The following LYPD6 variants were observed in gnomAD, a reference collection of about 807,000 sequenced individuals.
LYPD6 encodes the protein ly6/PLAUR domain-containing protein 6.
Under a neutral mutation model 22.7 loss-of-function variants are expected in LYPD6, and 15 were observed. The ratio of observed to expected loss-of-function variants is 0.66; its 90% confidence interval spans 0.44 to 1.02. The LOEUF is 1.02. Among genes scored for constraint, LYPD6 ranks in the 50% least tolerant of loss-of-function variants. The pLI is 0.00. For missense variants in LYPD6, 189 were observed against 208.4 expected (o/e 0.91, Z 0.57); for synonymous variants, 72 against 77.5 (o/e 0.93, Z 0.37).
chr2:149,373,613 T>C (rs1297534671), intron 1 of LYPD6, among the ~76,000 whole-genome samples: 2 of 152,054 alleles, frequency 1.3e-5, no homozygotes, highest in African/African-American at 2.4e-5. Context: ...TGGTGAGTGT[T>C]GTTGAGGAGT....
Position 149,470,942 on chromosome 2 carries a change from A to G in LYPD6, c.*92A>G, listed in dbSNP as rs1429275286. On this transcript the variant is annotated 3_prime_UTR_variant, in exon 5 of 5. Coordinates refer to ENST00000334166, the MANE Select transcript of LYPD6 (RefSeq NM_194317.5). ...GTCATTGGCCTGACAGTAATTACAC[A>G]TGTGAGACACAACACTCTTGGAGGT... The G allele has an allele frequency of 3.2e-5, 37 of 1,162,638 alleles. No homozygotes were observed. The highest frequency in any genetic ancestry group is 4.0e-5 in the Non-Finnish European group (32 of 804,030). The allele number at this position is 1,162,638 out of a possible 1,614,324, so 72.0% of individuals were successfully genotyped here. A position where few individuals can be genotyped will look rare whatever the true frequency, so the allele number is the denominator to read the frequency against.
rs147018265 is a variant in LYPD6, at chr2:149,337,040, A to G, written c.-72+6318A>G. On this transcript the variant is annotated intron_variant, in intron 1 of 4. Transcript: ENST00000334166. ...GTAAAAAGATTTCGTTTTTACATTC[A>G]ATGGATTTTACATTCAAATCCATAA... Among the ~76,000 whole-genome samples, 8 of 152,026 alleles carry G rather than the reference A, an allele frequency of 5.3e-5. No homozygotes were observed. In the East Asian group the frequency reaches 1.5e-3, roughly 29 times the overall value.
intron 1 of LYPD6, among the ~76,000 whole-genome samples, chr2:149,393,827 A>G (rs1682368136): frequency 6.6e-6 from 1 of 152,132 alleles, no homozygotes; most frequent in African/African-American, 2.4e-5. Flanking sequence ...AGGGTTTTCT[A>G]AGTTCTCCTG....
chr2:149,467,914 C>G (rs1681237246), intron 3 of LYPD6, among the ~76,000 whole-genome samples: 1 of 152,008 alleles, frequency 6.6e-6, no homozygotes, highest in Admixed American at 6.6e-5. Context: ...CTTTCAGATT[C>G]ATTAGACATA....
chr2:149,335,141 T>A (rs1162191145), intron 1 of LYPD6, among the ~76,000 whole-genome samples: 1 of 152,210 alleles, frequency 6.6e-6, no homozygotes, highest in Non-Finnish European at 1.5e-5. Flanking sequence ...TACTTATTTT[T>A]TTTTTTAAAG....
the LYPD6 span, among the ~76,000 whole-genome samples, chr2:149,479,307 A>G: frequency 6.6e-6 from 1 of 152,134 alleles, no homozygotes; most frequent in Non-Finnish European, 1.5e-5. Flanking sequence ...GTTCCTCCCC[A>G]TTCTATAATC....
intron 1 of LYPD6, among the ~76,000 whole-genome samples, chr2:149,380,861 G>A (rs1682044113): frequency 6.6e-6 from 1 of 152,090 alleles, no homozygotes; most frequent in East Asian, 1.9e-4. Context: ...TTTGAGTCTG[G>A]GACACAGGGA....
intron 1 of LYPD6, among the ~76,000 whole-genome samples, chr2:149,396,919 G>A (rs114205324): frequency 0.011 from 1,723 of 152,214 alleles, 37 homozygotes; most frequent in African/African-American, 0.04. Context: ...AAATCCACAA[G>A]TGCTCAAGTC....
At chr2:149,331,271 C>T (rs1480538535) in intron 1 of LYPD6, among the ~76,000 whole-genome samples, 1 of 152,192 alleles carries the variant, frequency 6.6e-6, no homozygotes, top group East Asian at 1.9e-4. Flanking sequence ...CCCCGACAAC[C>T]CAGGGAAGGG....
intron 1 of LYPD6, among the ~76,000 whole-genome samples, chr2:149,357,510 A>G (rs1310492559): frequency 1.3e-5 from 2 of 152,192 alleles, no homozygotes; most frequent in African/African-American, 4.8e-5. Context: ...ATATGGCCAT[A>G]AATATATCCC....
chr2:149,340,249 G>C (rs925179597), intron 1 of LYPD6, among the ~76,000 whole-genome samples: 1 of 152,094 alleles, frequency 6.6e-6, no homozygotes, highest in Non-Finnish European at 1.5e-5. Context: ...GTGCCTTGTA[G>C]TATAACATAT....
chr2:149,425,780 A>G lies in LYPD6; in HGVS notation c.-71-11858A>G, dbSNP rs185333791. Among the ~76,000 whole-genome samples, 397 of 152,348 alleles carry G rather than the reference A, an allele frequency of 2.6e-3. 1 individual carries two copies. Among genetic ancestry groups the G allele is most frequent in the Middle Eastern group, 0.01 (3 of 294 alleles). ...TATTTGATACATTTTTTTGCCTTCA[A>G]ATGCAGGATGAGGAAATCCTTCTTT... On this transcript the variant is annotated intron_variant, in intron 1 of 4. Transcript: ENST00000334166.
intron 1 of LYPD6, among the ~76,000 whole-genome samples, chr2:149,420,918 C>A (rs1395065637): frequency 6.6e-6 from 1 of 152,138 alleles, no homozygotes; most frequent in Admixed American, 6.5e-5. Context: ...TATAAGGTTT[C>A]CCAAACTGTG....
intron 1 of LYPD6, among the ~76,000 whole-genome samples, chr2:149,356,330 G>A (rs2105063613): frequency 6.6e-6 from 1 of 152,248 alleles, no homozygotes; most frequent in Non-Finnish European, 1.5e-5. Context: ...GCAGGAGGTA[G>A]GACCACATTG....
downstream of LYPD6, among the ~76,000 whole-genome samples, chr2:149,475,006 A>T (rs1681427016): frequency 6.6e-6 from 1 of 152,152 alleles, no homozygotes; most frequent in Non-Finnish European, 1.5e-5. Context: ...TGACCTCACG[A>T]TCCACCCGCT....
intron 1 of LYPD6, among the ~76,000 whole-genome samples, chr2:149,398,235 T>C (rs966513262): frequency 6.6e-6 from 1 of 152,200 alleles, no homozygotes; most frequent in African/African-American, 2.4e-5. Flanking sequence ...GATTTTTTTC[T>C]CTTTTATTTC....
At chr2:149,405,983 C>T (rs1172363786) in intron 1 of LYPD6, among the ~76,000 whole-genome samples, 20 of 149,206 alleles carry the variant, frequency 1.3e-4, no homozygotes, top group South Asian at 4.3e-4. Context: ...GCCTTCATTT[C>T]GTTATGTACC....
chr2:149,341,728 T>C (rs1681165177), intron 1 of LYPD6, among the ~76,000 whole-genome samples: 1 of 152,292 alleles, frequency 6.6e-6, no homozygotes, highest in South Asian at 2.1e-4. Context: ...TCTCTGCTTC[T>C]AAGATGGCAC....
intron 3 of LYPD6, among the ~76,000 whole-genome samples, chr2:149,467,754 G>A (rs1277694458): frequency 6.6e-6 from 1 of 152,166 alleles, no homozygotes; most frequent in Non-Finnish European, 1.5e-5. Context: ...TAATGTGAAA[G>A]TAGAGCAAGA....
Sources: gnomAD v4.1 joint callset for allele counts (sites outside exome capture counted in the v4.1 genomes callset) on GRCh38, gnomAD v4.1.1 for gene constraint, MANE v1.5 for transcripts, NCBI Gene and HGNC (gene_info 2026-07-23, HGNC 2026-07-21) for gene names.